MCC: variants seen among roughly 807,000 people sequenced by gnomAD.
MCC encodes the protein colorectal mutant cancer protein.
In MCC, 90 loss-of-function variants were observed where a neutral mutation model predicts 116.2. That is an observed-to-expected ratio of 0.77 (90% confidence interval 0.65 to 0.92). The LOEUF (loss-of-function observed/expected upper bound fraction) is 0.92. Ranked by LOEUF, MCC falls within the 40% of genes least tolerant of loss-of-function variation. MCC has a pLI of 0.00. For missense variants in MCC, 1,516 were observed against 1,312.2 expected, an observed-to-expected ratio of 1.16 and a Z score of -2.40; for synonymous variants, 578 against 510.5, an observed-to-expected ratio of 1.13 and a Z score of -1.78.
At chr5:113,370,547 A>G (rs1317293223) in intron 2 of MCC, among the ~76,000 whole-genome samples, 1 of 152,194 alleles carries the variant, frequency 6.6e-6, no homozygotes, top group Non-Finnish European at 1.5e-5. Flanking sequence ...AAAGCAAGAG[A>G]TGAAGGCTCA....
intron 6 of MCC, among the ~76,000 whole-genome samples, chr5:113,119,542 C>T (rs1007692858): frequency 3.9e-5 from 6 of 152,152 alleles, no homozygotes; most frequent in African/African-American, 1.4e-4. Flanking sequence ...GCCAAGGAGG[C>T]GGCCAGAAGC....
At chr5:113,168,510 A>G (rs1760893489) in intron 3 of MCC, among the ~76,000 whole-genome samples, 1 of 152,212 alleles carries the variant, frequency 6.6e-6, no homozygotes, top group Non-Finnish European at 1.5e-5. Flanking sequence ...AAGTTAAATG[A>G]TTTCCATAGA....
intron 11 of MCC, among the ~76,000 whole-genome samples, chr5:113,081,897 G>A (rs1357618278): frequency 6.6e-6 from 1 of 152,232 alleles, no homozygotes; most frequent in African/African-American, 2.4e-5. Flanking sequence ...AGCAACAGCG[G>A]ATGGGGAACG....
At chr5:113,484,121 G>A (rs1772452159) in intron 1 of MCC, among the ~76,000 whole-genome samples, 1 of 151,964 alleles carries the variant, frequency 6.6e-6, no homozygotes, top group Non-Finnish European at 1.5e-5. Context: ...TAACTAGTCG[G>A]CACTAGGCTT....
At chr5:113,118,104 T>A (rs1294015567) in intron 6 of MCC, among the ~76,000 whole-genome samples, 1 of 152,238 alleles carries the variant, frequency 6.6e-6, no homozygotes, top group Non-Finnish European at 1.5e-5. Context: ...TTCATTATCC[T>A]GATTTTACAG....
At chr5:113,062,843 C>T (rs900561639) in intron 14 of MCC, among the ~76,000 whole-genome samples, 10 of 152,144 alleles carry the variant, frequency 6.6e-5, no homozygotes, top group African/African-American at 1.2e-4. Context: ...AGGTAGATGG[C>T]GGGTCCCACC....
intron 3 of MCC, among the ~76,000 whole-genome samples, chr5:113,287,724 CAGCT>C (rs1288815855): frequency 1.3e-5 from 2 of 152,218 alleles, no homozygotes; most frequent in African/African-American, 4.8e-5. Flanking sequence ...TTGGGTAAAT[CAGCT>C]AGGCAGCTAT....
intron 3 of MCC, among the ~76,000 whole-genome samples, chr5:113,225,327 AC>A (rs1273474632): frequency 1.3e-5 from 2 of 152,184 alleles, no homozygotes; most frequent in African/African-American, 4.8e-5. Flanking sequence ...GTTCCAATCC[AC>A]CCAGGCAGTC....
chr5:113,131,653 G>A (rs1758433791), intron 5 of MCC, among the ~76,000 whole-genome samples: 1 of 152,076 alleles, frequency 6.6e-6, no homozygotes. Context: ...ATTTGCCATC[G>A]TGGCTGTGAT....
At chr5:113,191,865 A>G (rs1030305001) in intron 3 of MCC, among the ~76,000 whole-genome samples, 3 of 152,188 alleles carry the variant, frequency 2.0e-5, no homozygotes, top group Non-Finnish European at 4.4e-5. Context: ...TCTCTCTTCT[A>G]TGGGACAATG....
intron 3 of MCC, chr5:113,323,175 T>TGCAG (rs1329208246): frequency 1.3e-5 from 2 of 152,352 alleles, no homozygotes; most frequent in Non-Finnish European, 2.9e-5. Context: ...TTCAGATGAC[T>TGCAG]GCAGCCCTGG....
At chr5:113,329,941 G>C (rs1231485608) in intron 3 of MCC, among the ~76,000 whole-genome samples, 1 of 152,220 alleles carries the variant, frequency 6.6e-6, no homozygotes, top group Non-Finnish European at 1.5e-5. Context: ...GGGGGCAGCA[G>C]TGCAGTCATC....
chr5:113,046,293 A>G (rs1389550239), intron 16 of MCC, among the ~76,000 whole-genome samples: 1 of 152,012 alleles, frequency 6.6e-6, no homozygotes, highest in African/African-American at 2.4e-5. Context: ...CCCAGGTTCA[A>G]GCAGTTCTTG....
intron 6 of MCC, among the ~76,000 whole-genome samples, chr5:113,112,943 A>T (rs1757182944): frequency 6.6e-6 from 1 of 152,256 alleles, no homozygotes; most frequent in African/African-American, 2.4e-5. Flanking sequence ...GCTTTCAATT[A>T]AGATTCCCAA....
chr5:113,488,036 G>T (rs1458906116), intron 1 of MCC, among the ~76,000 whole-genome samples: 1 of 152,038 alleles, frequency 6.6e-6, no homozygotes, highest in Non-Finnish European at 1.5e-5. Context: ...GGAAAAGTTG[G>T]ACCAACTGGC....
In MCC at chr5:113,277,190, C is replaced by A. The variant is rs1038566827; in HGVS notation, c.627+63329G>T. Among the ~76,000 whole-genome samples, 9 of 143,324 alleles carry A rather than the reference C, an allele frequency of 6.3e-5. No individual in the cohort carries two copies. In the South Asian group the frequency reaches 1.7e-3, roughly 27 times the overall value. 94.0% of individuals were successfully genotyped at this position (143,324 alleles called of 152,430 possible). A position where few individuals can be genotyped will look rare whatever the true frequency, so the allele number is the denominator to read the frequency against. On this transcript the variant is annotated intron_variant, in intron 3 of 18. Transcript: ENST00000408903. ...AAACCCCATCTCTACTAAAAAAAAACAAAAAACAAAAACACAAACAAAAAA... is the reference window on the plus strand; with the variant it reads ...AAACCCCATCTCTACTAAAAAAAAAAAAAAAACAAAAACACAAACAAAAAA...
intron 2 of MCC, among the ~76,000 whole-genome samples, chr5:113,379,423 T>C (rs77208134): frequency 6.6e-6 from 1 of 152,238 alleles, no homozygotes; most frequent in Non-Finnish European, 1.5e-5. Flanking sequence ...ACATGTAATA[T>C]CTCACTAAAT....
In MCC at chr5:113,488,435, A is replaced by C; in HGVS notation, c.-21T>G. ...ATCATGCGCCCGCTCCCTACTTGGG[A>C]GGAGGAGTACGCGCGACCGCAGCTG... On this transcript the variant is annotated 5_prime_UTR_variant, in exon 1 of 19. Transcript: ENST00000408903. The C allele has an allele frequency of 7.1e-7, 1 of 1,398,806 alleles. No individual in the cohort carries two copies. The highest frequency in any genetic ancestry group is 1.5e-5 in the African/African-American group (1 of 66,494). 86.6% of individuals were successfully genotyped at this position (1,398,806 alleles called of 1,614,324 possible).
Position 113,035,151 on chromosome 5 carries a change from G to A in MCC, c.2757-6095C>T, listed in dbSNP as rs189302063. Among the ~76,000 whole-genome samples the A allele has an allele frequency of 4.9e-3, 746 of 152,300 alleles. 4 individuals are homozygous for A. Among genetic ancestry groups the A allele is most frequent in the South Asian group, 9.8e-3 (47 of 4,816 alleles). ...ACCTCCAACAGCCACTCTCTCTCCT[G>A]TGTTGGCTAATGGCACCACCTTTCA... On this transcript the variant is annotated intron_variant, in intron 17 of 18. Transcript: ENST00000408903.
Sources: gnomAD v4.1 joint callset for allele counts (sites outside exome capture counted in the v4.1 genomes callset) on GRCh38, gnomAD v4.1.1 for gene constraint, MANE v1.5 for transcripts, NCBI Gene and HGNC (gene_info 2026-07-23, HGNC 2026-07-21) for gene names.